BICC1: variants seen among roughly 807,000 people sequenced by gnomAD.
BICC1 encodes the protein protein bicaudal C homolog 1.
A neutral mutation model predicts 111.0 loss-of-function variants in BICC1; 43 were observed. The ratio of observed to expected loss-of-function variants is 0.39; its 90% CI spans 0.30 to 0.50. BICC1 has a LOEUF of 0.50. Ranked by LOEUF, BICC1 falls within the 20% of genes least tolerant of loss-of-function variation. The pLI, the probability that BICC1 is intolerant of heterozygous loss-of-function variation, is 0.88. For missense variants in BICC1, 1,091 were observed against 1,203.2 expected (o/e 0.91, Z 1.38); for synonymous variants, 467 against 434.4 (o/e 1.07, Z -0.93).
chr10:58,624,069 G>T lies in BICC1; in HGVS notation c.237+3168G>T, dbSNP rs149947472. 1.5e-3 allele frequency among the ~76,000 whole-genome samples: 225 copies of T among 152,300 alleles called. 1 individual carries two copies. The highest frequency in any genetic ancestry group is 5.3e-3 in the African/African-American group (222 of 41,556). The stretch of plus-strand genomic sequence containing the variant: ...AACTGGGTGGCTTAACTGTGGGAGG[G>T]AGAATCTGTTCCATGCCTTTCTTTA... On this transcript the variant is annotated intron_variant, in intron 2 of 20. Transcript: ENST00000373886.
chr10:58,523,279 A>G (rs1842440911), intron 1 of BICC1, among the ~76,000 whole-genome samples: 1 of 152,228 alleles, frequency 6.6e-6, no homozygotes, highest in Non-Finnish European at 1.5e-5. Context: ...AATATCCCTG[A>G]TGAACATCGA....
chr10:58,767,259 T>G (rs751481258), intron 3 of BICC1, among the ~76,000 whole-genome samples: 1 of 152,140 alleles, frequency 6.6e-6, no homozygotes, highest in South Asian at 2.1e-4. Flanking sequence ...GGCACTGCCC[T>G]AGGGAAAGCA....
intron 1 of BICC1, among the ~76,000 whole-genome samples, chr10:58,521,995 T>C (rs1353517102): frequency 6.7e-6 from 1 of 148,792 alleles, no homozygotes; most frequent in Non-Finnish European, 1.5e-5. Context: ...ATCAGACTCT[T>C]TTCTTTCTTT....
intron 3 of BICC1, among the ~76,000 whole-genome samples, chr10:58,759,729 G>A (rs1403518347): frequency 6.6e-6 from 1 of 152,092 alleles, no homozygotes; most frequent in Non-Finnish European, 1.5e-5. Context: ...GGAGGCCGAG[G>A]CGGGTGGATC....
chr10:58,797,403 A>G (rs1014282764), intron 10 of BICC1, among the ~76,000 whole-genome samples: 5 of 152,266 alleles, frequency 3.3e-5, no homozygotes, highest in African/African-American at 4.8e-5. Flanking sequence ...TTTAACTTTT[A>G]AGAAGTTTAA....
chr10:58,668,482 C>A (rs1839085825), intron 2 of BICC1, among the ~76,000 whole-genome samples: 1 of 152,040 alleles, frequency 6.6e-6, no homozygotes, highest in African/African-American at 2.4e-5. Flanking sequence ...TTTTGCACAA[C>A]AACCTGTATC....
intron 3 of BICC1, among the ~76,000 whole-genome samples, chr10:58,783,921 G>A (rs1842943539): frequency 6.6e-6 from 1 of 152,138 alleles, no homozygotes; most frequent in Non-Finnish European, 1.5e-5. Context: ...TGGGCAACTT[G>A]AAAACCTGAT....
intron 3 of BICC1, among the ~76,000 whole-genome samples, chr10:58,724,432 T>C (rs1018011367): frequency 6.6e-6 from 1 of 152,112 alleles, no homozygotes; most frequent in Non-Finnish European, 1.5e-5. Flanking sequence ...TTTGCACATA[T>C]ACAAATACTT....
chr10:58,582,035 G>A (rs1055422118), intron 1 of BICC1, among the ~76,000 whole-genome samples: 1 of 150,696 alleles, frequency 6.6e-6, no homozygotes, highest in Non-Finnish European at 1.5e-5. Flanking sequence ...CAAAATTGTA[G>A]CATTCTCTGC....
At chr10:58,710,501 T>C (rs950601284) in intron 3 of BICC1, among the ~76,000 whole-genome samples, 1 of 152,346 alleles carries the variant, frequency 6.6e-6, no homozygotes, top group African/African-American at 2.4e-5. Context: ...ACCTCTTTTT[T>C]CAGGGGAAAT....
chr10:58,791,586 A>C (rs1164231562), intron 8 of BICC1, among the ~76,000 whole-genome samples: 1 of 152,074 alleles, frequency 6.6e-6, no homozygotes, highest in Non-Finnish European at 1.5e-5. Context: ...AAATACACAG[A>C]AAAGTTAGCC....
chr10:58,785,301 C>CAA (rs1457571833), intron 4 of BICC1, among the ~76,000 whole-genome samples: 7 of 151,842 alleles, frequency 4.6e-5, no homozygotes, highest in African/African-American at 1.2e-4. Flanking sequence ...CACACACACA[C>CAA]CTATATGTAC....
intron 1 of BICC1, among the ~76,000 whole-genome samples, chr10:58,541,869 G>C (rs558520028): frequency 6.6e-6 from 1 of 151,714 alleles, no homozygotes; most frequent in Non-Finnish European, 1.5e-5. Context: ...AGACATATAA[G>C]CCCAGTGTGG....
chr10:58,532,316 G>C (rs1181604399), intron 1 of BICC1, among the ~76,000 whole-genome samples: 2 of 151,440 alleles, frequency 1.3e-5, no homozygotes, highest in Non-Finnish European at 3.0e-5. Context: ...AAAAAACTAT[G>C]CATGGATTTC....
chr10:58,632,842 C>T (rs573251650), intron 2 of BICC1, among the ~76,000 whole-genome samples: 1 of 143,998 alleles, frequency 6.9e-6, no homozygotes, highest in Non-Finnish European at 1.6e-5. Context: ...AAAGGTTTTA[C>T]ATAGATAGAT....
At chr10:58,575,094 A>G (rs1214413215) in intron 1 of BICC1, among the ~76,000 whole-genome samples, 1 of 151,672 alleles carries the variant, frequency 6.6e-6, no homozygotes, top group Non-Finnish European at 1.5e-5. Context: ...TACATGTGCC[A>G]TGGTGGTTTG....
chr10:58,736,006 A>C (rs6481434), intron 3 of BICC1, among the ~76,000 whole-genome samples: 151,832 of 152,256 alleles, frequency 1, 75,705 homozygotes, highest in Middle Eastern at 1. Flanking sequence ...TTATCAGGCA[A>C]AAAAGTATCA....
chr10:58,679,387 A>C (rs1308667984), intron 2 of BICC1, among the ~76,000 whole-genome samples: 2 of 152,246 alleles, frequency 1.3e-5, no homozygotes, highest in Non-Finnish European at 2.9e-5. Context: ...ACAAACTACC[A>C]TCAGAAAATA....
At chr10:58,793,413 C>A in intron 8 of BICC1, 71 bp from the exon 9 acceptor site, 1 of 1,350,878 alleles carries the variant, frequency 7.4e-7, no homozygotes, top group Non-Finnish European at 1.0e-6. Flanking sequence ...TATTTGCAGG[C>A]ATGTTAAATT....
Sources: allele counts gnomAD v4.1 joint callset (sites outside exome capture counted in the v4.1 genomes callset), GRCh38; gene constraint gnomAD v4.1.1; transcripts MANE v1.5; gene names NCBI Gene and HGNC (gene_info 2026-07-23, HGNC 2026-07-21).